Variants in RIMS1 observed in about 807,000 individuals in gnomAD.
RIMS1 encodes regulating synaptic membrane exocytosis 1, also known as regulating synaptic membrane exocytosis protein 1.
In RIMS1, 83 loss-of-function variants were observed where a neutral mutation model predicts 214.1. The observed-to-expected ratio is 0.39, with a 90% CI of 0.32 to 0.47. RIMS1 has a LOEUF of 0.47. Ranked by LOEUF, RIMS1 falls within the 20% of genes least tolerant of loss-of-function variation. The pLI is 0.99. For synonymous variants in RIMS1, 793 were observed against 786.8 expected (o/e 1.01, Z -0.13); for missense variants, 2,050 against 2,161.8 (o/e 0.95, Z 1.03).
chr6:72,287,317 C>T (rs1265411365), intron 24 of RIMS1, among the ~76,000 whole-genome samples: 1 of 152,176 alleles, frequency 6.6e-6, no homozygotes, highest in East Asian at 1.9e-4. Flanking sequence ...CATTCTTTAA[C>T]AAGTTGTTTA....
At chr6:72,106,387 C>T (rs993871613) in intron 4 of RIMS1, among the ~76,000 whole-genome samples, 2 of 152,118 alleles carry the variant, frequency 1.3e-5, no homozygotes, top group East Asian at 1.9e-4. Flanking sequence ...AATAATATGC[C>T]TTGTGACTCT....
At chr6:72,052,736 A>T (rs1417494656) in intron 2 of RIMS1, among the ~76,000 whole-genome samples, 1 of 152,140 alleles carries the variant, frequency 6.6e-6, no homozygotes, top group Non-Finnish European at 1.5e-5. Context: ...TAAAGCATCT[A>T]TTTTTTGCGT....
chr6:72,041,180 G>C (rs887920411), intron 2 of RIMS1, among the ~76,000 whole-genome samples: 2 of 151,862 alleles, frequency 1.3e-5, no homozygotes, highest in African/African-American at 4.8e-5. Flanking sequence ...ACAAACTGAA[G>C]TTCTTTCTGT....
intron 2 of RIMS1, among the ~76,000 whole-genome samples, chr6:72,039,235 T>C (rs559294259): frequency 6.6e-6 from 1 of 152,242 alleles, no homozygotes; most frequent in East Asian, 1.9e-4. Context: ...GATTGAAACA[T>C]TATAGCATAT....
intron 29 of RIMS1, among the ~76,000 whole-genome samples, chr6:72,375,020 G>A (rs559537392): frequency 1.3e-5 from 2 of 152,318 alleles, no homozygotes; most frequent in African/African-American, 4.8e-5. Flanking sequence ...AGGAGGCGGA[G>A]CTCAGGCAGT....
At chr6:72,231,162 A>G (rs1014378442) in intron 6 of RIMS1, among the ~76,000 whole-genome samples, 1 of 151,736 alleles carries the variant, frequency 6.6e-6, no homozygotes, top group Non-Finnish European at 1.5e-5. Context: ...TCCGTTAATA[A>G]TAGTGAAATC....
chr6:71,995,067 A>C (rs745421851), intron 2 of RIMS1, among the ~76,000 whole-genome samples: 1 of 152,034 alleles, frequency 6.6e-6, no homozygotes, highest in Non-Finnish European at 1.5e-5. Flanking sequence ...CATAGTGTAG[A>C]TCTAACACTC....
intron 29 of RIMS1, among the ~76,000 whole-genome samples, chr6:72,373,851 G>A (rs2098293764): frequency 6.6e-6 from 1 of 152,060 alleles, no homozygotes. Context: ...TCAAGTTCAT[G>A]TTCATCTAAT....
At chr6:72,008,056 T>G (rs567763918) in intron 2 of RIMS1, among the ~76,000 whole-genome samples, 205 of 152,228 alleles carry the variant, frequency 1.3e-3, no homozygotes, top group African/African-American at 4.1e-3. Flanking sequence ...GGAAAAAATG[T>G]TAAGGGTTGC....
intron 1 of RIMS1, among the ~76,000 whole-genome samples, chr6:71,960,914 C>T (rs1436413652): frequency 6.6e-6 from 1 of 151,640 alleles, no homozygotes; most frequent in Admixed American, 6.6e-5. Flanking sequence ...TTTTTTTTTG[C>T]ACCCAACAAG....
chr6:72,308,434 A>C (rs554598164), intron 27 of RIMS1, among the ~76,000 whole-genome samples: 4 of 152,204 alleles, frequency 2.6e-5, no homozygotes, highest in African/African-American at 9.6e-5. Flanking sequence ...ACTCTTTGGG[A>C]GGTAATAAGC....
At chr6:72,110,492 G>C (rs1424139978) in intron 4 of RIMS1, among the ~76,000 whole-genome samples, 1 of 147,910 alleles carries the variant, frequency 6.8e-6, no homozygotes, top group South Asian at 2.2e-4. Context: ...CTCATGATTT[G>C]GCTCTCTGTT....
At chr6:72,079,631 C>T (rs1179122908) in intron 2 of RIMS1, among the ~76,000 whole-genome samples, 1 of 152,004 alleles carries the variant, frequency 6.6e-6, no homozygotes, top group Non-Finnish European at 1.5e-5. Flanking sequence ...TGCCTGTAAT[C>T]CCAGCATTTT....
At chr6:71,899,904 T>C (rs1158402549) in intron 1 of RIMS1, among the ~76,000 whole-genome samples, 1 of 152,178 alleles carries the variant, frequency 6.6e-6, no homozygotes, top group East Asian at 1.9e-4. Context: ...TCATTTGTTC[T>C]TGAAGCAAAA....
chr6:72,062,485 C>G (rs1279952261), intron 2 of RIMS1, among the ~76,000 whole-genome samples: 3 of 151,932 alleles, frequency 2.0e-5, no homozygotes, highest in African/African-American at 7.3e-5. Context: ...CCCGTTTTTT[C>G]TAAAGAATCT....
At chr6:71,937,697 T>A (rs1784870989) in intron 1 of RIMS1, among the ~76,000 whole-genome samples, 2 of 152,150 alleles carry the variant, frequency 1.3e-5, no homozygotes, top group South Asian at 4.1e-4. Context: ...CCTGTGATAA[T>A]GGCATCAGTC....
At chr6:72,119,864 T>A (rs1250892120) in intron 4 of RIMS1, among the ~76,000 whole-genome samples, 1 of 151,734 alleles carries the variant, frequency 6.6e-6, no homozygotes, top group African/African-American at 2.4e-5. Flanking sequence ...CCAAGTATTC[T>A]CATTGTTCAA....
intron 1 of RIMS1, among the ~76,000 whole-genome samples, chr6:71,923,773 A>G (rs1448659491): frequency 6.6e-6 from 1 of 152,064 alleles, no homozygotes; most frequent in African/African-American, 2.4e-5. Context: ...CATGTTGATC[A>G]GGCTGGTCTT....
At chr6:72,205,316 CA>C (rs2052714978) in intron 6 of RIMS1, among the ~76,000 whole-genome samples, 1 of 152,016 alleles carries the variant, frequency 6.6e-6, no homozygotes, top group East Asian at 1.9e-4. Flanking sequence ...TAGTGAAACA[CA>C]AAACAGGTTA....
Sources: allele counts gnomAD v4.1 joint callset (sites outside exome capture counted in the v4.1 genomes callset), GRCh38; gene constraint gnomAD v4.1.1; transcripts MANE v1.5; gene names NCBI Gene and HGNC (gene_info 2026-07-23, HGNC 2026-07-21).